RIMS4: variants seen among roughly 807,000 people sequenced by gnomAD.
RIMS4 encodes regulating synaptic membrane exocytosis protein 4.
In RIMS4, 9 loss-of-function variants were observed where a neutral mutation model predicts 29.0. That is an observed-to-expected ratio of 0.31 (90% CI 0.19 to 0.54). The LOEUF (loss-of-function observed/expected upper bound fraction) is 0.54, where lower values mean the gene tolerates loss of function less well. Ranked by LOEUF, RIMS4 falls within the 20% of genes least tolerant of loss-of-function variation. The pLI is 0.94. For synonymous variants in RIMS4, 130 were observed against 152.9 expected (o/e 0.85, Z 1.10); for missense variants, 193 against 365.7 (o/e 0.53, Z 3.85).
intron 2 of RIMS4, among the ~76,000 whole-genome samples, chr20:44,759,881 G>A (rs1343238552): frequency 3.3e-5 from 5 of 152,238 alleles, no homozygotes; most frequent in African/African-American, 1.2e-4. Flanking sequence ...TATCTGCAGA[G>A]TTAATGGCAG....
chr20:44,796,450 G>C (rs1325007966), intron 1 of RIMS4, among the ~76,000 whole-genome samples: 1 of 152,198 alleles, frequency 6.6e-6, no homozygotes, highest in Admixed American at 6.5e-5. Flanking sequence ...AGGGGAGGAA[G>C]GGAGGGGCTT....
intron 2 of RIMS4, among the ~76,000 whole-genome samples, chr20:44,764,812 C>A (rs758447200): frequency 6.6e-6 from 1 of 152,174 alleles, no homozygotes. Context: ...GGAACAAATT[C>A]TCGTTTTCAA....
rs755836833 is a variant in RIMS4 at position 44,756,201 on chromosome 20, G to T, written c.743C>A (p.Pro248His). 6.2e-7 allele frequency: 1 copy of T among 1,614,010 alleles called. No homozygotes were observed. Residue 248 changes from proline (P) to histidine (H), a missense_variant, in exon 6 of 6, where the codon CCC becomes CAC. By Grantham distance (77) the Pro-to-His change is moderately conservative (BLOSUM62 -2). Transcript: ENST00000372851. This position sits in a 1 kb window ranked among gnomAD's most constrained non-coding sequence, Gnocchi z 5.9. ...TSSMVDPATGPLLRQASQLSL... is the reference protein window; with the variant it reads ...TSSMVDPATGHLLRQASQLSL... ...CAACTGGGATGCCTGCCGGAGCAGGGGGCCTGTGGCTGGGTCCACCATGGA... is the reference window on the plus strand; with the variant it reads ...CAACTGGGATGCCTGCCGGAGCAGGTGGCCTGTGGCTGGGTCCACCATGGA...
At chr20:44,763,394 A>G (rs2066094614) in intron 2 of RIMS4, among the ~76,000 whole-genome samples, 1 of 152,264 alleles carries the variant, frequency 6.6e-6, no homozygotes, top group Non-Finnish European at 1.5e-5. Context: ...GTGAGATACC[A>G]TGGCCTGCTG....
intron 1 of RIMS4, among the ~76,000 whole-genome samples, chr20:44,774,035 C>T (rs909249917): frequency 1.3e-5 from 2 of 152,148 alleles, no homozygotes; most frequent in African/African-American, 4.8e-5. Context: ...TTTCCCTTGA[C>T]ACACCACCTT....
At chr20:44,768,558 A>C (rs1463636871) in intron 2 of RIMS4, among the ~76,000 whole-genome samples, 1 of 152,094 alleles carries the variant, frequency 6.6e-6, no homozygotes, top group Non-Finnish European at 1.5e-5. Flanking sequence ...CAATGTCCCC[A>C]CCCATTCCTT....
chr20:44,764,228 GTCCATCCATTCATCCA>G (rs2066103583), intron 2 of RIMS4, among the ~76,000 whole-genome samples: 1 of 66,072 alleles, frequency 1.5e-5, no homozygotes, highest in African/African-American at 6.2e-5. Context: ...CCATCCATCC[GTCCATCCATTCATCCA>G]TCCATCCATC....
chr20:44,786,967 G>A (rs2066211239), intron 1 of RIMS4, among the ~76,000 whole-genome samples: 1 of 152,144 alleles, frequency 6.6e-6, no homozygotes, highest in Admixed American at 6.5e-5. Flanking sequence ...AAAACGAACT[G>A]TCCTCCTGAA....
chr20:44,773,456 T>G (rs928414411), intron 1 of RIMS4, among the ~76,000 whole-genome samples: 1 of 151,968 alleles, frequency 6.6e-6, no homozygotes, highest in Non-Finnish European at 1.5e-5. Flanking sequence ...CACAGCACTG[T>G]ACATATGTCC....
chr20:44,796,968 C>A (rs1407547499), intron 1 of RIMS4, among the ~76,000 whole-genome samples: 1 of 152,238 alleles, frequency 6.6e-6, no homozygotes, highest in Non-Finnish European at 1.5e-5. Context: ...CATGTCCTAA[C>A]CCCTTGTCCT....
At chr20:44,775,567 C>T (rs2066156507) in intron 1 of RIMS4, among the ~76,000 whole-genome samples, 1 of 152,244 alleles carries the variant, frequency 6.6e-6, no homozygotes, top group South Asian at 2.1e-4. Context: ...AGGCTTCACG[C>T]AGCCCCCAGA....
chr20:44,769,406 G>T lies in RIMS4; in HGVS notation c.236+1869C>A, dbSNP rs76006548. ...TCCAGACCTGCCCGTGAGGCTGACA[G>T]ATATTTACTGGCCTCAAACATGAGA... On this transcript the variant is annotated intron_variant, in intron 2 of 5. Coordinates refer to ENST00000372851, the MANE Select transcript of RIMS4 (RefSeq NM_182970.4). 7.7e-3 allele frequency among the ~76,000 whole-genome samples: 1,179 copies of T among 152,286 alleles called. 21 individuals carry two copies. The highest frequency in any genetic ancestry group is 0.027 in the African/African-American group (1,124 of 41,568).
chr20:44,807,575 G>C (rs780699497), intron 1 of RIMS4, among the ~76,000 whole-genome samples: 16 of 152,302 alleles, frequency 1.1e-4, no homozygotes, highest in African/African-American at 2.9e-4. Flanking sequence ...AAGAAGGCCA[G>C]GGGAGGGAGG....
chr20:44,770,707 A>C (rs2066133340), intron 2 of RIMS4, among the ~76,000 whole-genome samples: 1 of 152,214 alleles, frequency 6.6e-6, no homozygotes, highest in South Asian at 2.1e-4. Flanking sequence ...GCAAGGAGCC[A>C]GCCACACTAC....
At chr20:44,766,394 T>A (rs1386347966) in intron 2 of RIMS4, among the ~76,000 whole-genome samples, 1 of 151,984 alleles carries the variant, frequency 6.6e-6, no homozygotes, top group Non-Finnish European at 1.5e-5. Context: ...GTGCAATGGA[T>A]GCAAAGACCT....
rs540733267 is a variant in RIMS4, at chr20:44,755,695, C to T, written c.*439G>A. ...CCCTTCATCTCTGGGGCAGGAGTAG[C>T]TGCCTGAACCCGGTGCCGCAGGAAA... On this transcript the variant is annotated 3_prime_UTR_variant, in exon 6 of 6. Transcript: ENST00000372851. 1.1e-4 allele frequency: 18 copies of T among 157,990 alleles called. No individual in the cohort carries two copies. The East Asian group carries it at 3.3e-3, about 29-fold the overall frequency. The allele number at this position is 157,990 out of a possible 1,614,324, so 9.8% of individuals were successfully genotyped here. A position where few individuals can be genotyped will look rare whatever the true frequency, so the allele number is the denominator to read the frequency against.
Position 44,805,995 on chromosome 20 carries a change from C to T in RIMS4, c.97+4180G>A, listed in dbSNP as rs117545120. On this transcript the variant is annotated intron_variant, in intron 1 of 5. Transcript: ENST00000372851. ...TTTTGGATCCCATCCACTATCCCACCCCGCCCCCAGCCCAACAGATTTGGT... is the reference window on the plus strand; with the variant it reads ...TTTTGGATCCCATCCACTATCCCACTCCGCCCCCAGCCCAACAGATTTGGT... Among the ~76,000 whole-genome samples the T allele has an allele frequency of 8.8e-3, 1,346 of 152,322 alleles. 7 individuals carry two copies. Among genetic ancestry groups the T allele is most frequent in the Non-Finnish European group, 0.014 (925 of 68,032 alleles).
chr20:44,783,393 T>C (rs1239767998), intron 1 of RIMS4, among the ~76,000 whole-genome samples: 1 of 152,102 alleles, frequency 6.6e-6, no homozygotes, highest in African/African-American at 2.4e-5. Flanking sequence ...GAGGCCAAGG[T>C]GGGTGGATCA....
intron 1 of RIMS4, among the ~76,000 whole-genome samples, chr20:44,790,165 G>A (rs1359669200): frequency 6.6e-6 from 1 of 152,238 alleles, no homozygotes; most frequent in East Asian, 1.9e-4. Flanking sequence ...TGGGGATCAG[G>A]ATCCTGGCTG....
Sources: gnomAD v4.1 joint callset for allele counts (sites outside exome capture counted in the v4.1 genomes callset) on GRCh38, gnomAD v4.1.1 for gene constraint, Gnocchi (gnomAD v3.1) non-coding constraint, MANE v1.5 for transcripts, NCBI Gene and HGNC (gene_info 2026-07-23, HGNC 2026-07-21) for gene names.